RXRA: variants seen among roughly 807,000 people sequenced by gnomAD.
The protein encoded by RXRA is retinoic acid receptor RXR-alpha.
In RXRA, 5 loss-of-function variants were observed where a neutral mutation model predicts 44.5. That is an observed-to-expected ratio of 0.11 (90% CI 0.06 to 0.24). The LOEUF (loss-of-function observed/expected upper bound fraction) is 0.24. Ranked by LOEUF, RXRA falls within the 10% of genes least tolerant of loss-of-function variation. RXRA has a pLI of 1.00. For synonymous variants in RXRA, 291 were observed against 271.4 expected, an observed-to-expected ratio of 1.07 and a Z score of -0.71; for missense variants, 412 against 646.5, an observed-to-expected ratio of 0.64 and a Z score of 3.93.
At chr9:134,361,550 C>G (rs1237504553) in intron 1 of RXRA, among the ~76,000 whole-genome samples, 1 of 152,210 alleles carries the variant, frequency 6.6e-6, no homozygotes, top group Non-Finnish European at 1.5e-5. Context: ...TGTTGCGTCT[C>G]CTGAGACTAA....
intron 1 of RXRA, among the ~76,000 whole-genome samples, chr9:134,391,172 G>A (rs902892277): frequency 2.0e-5 from 3 of 152,162 alleles, no homozygotes; most frequent in African/African-American, 7.2e-5. Flanking sequence ...ATGCCTGGGG[G>A]AGCATCCTCT....
At chr9:134,350,268 G>T (rs980308752) in intron 1 of RXRA, among the ~76,000 whole-genome samples, 5 of 152,174 alleles carry the variant, frequency 3.3e-5, no homozygotes, top group Non-Finnish European at 7.4e-5. Flanking sequence ...GGCTGGGGCC[G>T]CGGAGTGGCC....
Position 134,426,735 on chromosome 9 carries a change from C to G in RXRA, c.911-2373C>G, listed in dbSNP as rs1831440765. 1 of 985,276 alleles carries G rather than the reference C, an allele frequency of 1.0e-6. No homozygotes were observed. Among genetic ancestry groups the G allele is most frequent in the African/African-American group, 1.7e-5 (1 of 57,228 alleles). 61.0% of individuals were successfully genotyped at this position (985,276 alleles called of 1,614,324 possible). A position where few individuals can be genotyped will look rare whatever the true frequency, so the allele number is the denominator to read the frequency against. On this transcript the variant is annotated intron_variant, in intron 6 of 9. Transcript: ENST00000481739. This position sits in a 1 kb window ranked among gnomAD's most constrained non-coding sequence, Gnocchi z 4.6. ...GGAGGTGGCCACTGCTCAGGTAAAC[C>G]CCCAGGCCTGCAGGATGTGAGGGAG...
At chr9:134,424,479 G>C in intron 6 of RXRA, 1 of 985,462 alleles carries the variant, frequency 1.0e-6, no homozygotes, top group Non-Finnish European at 1.2e-6. Flanking sequence ...GGCTTCGAGG[G>C]CCGCATGGTG....
chr9:134,404,799 C>T (rs1167231591), intron 2 of RXRA: 1 of 152,434 alleles, frequency 6.6e-6, no homozygotes, highest in African/African-American at 2.4e-5. Context: ...GCTCCTGGCG[C>T]AGAGTGGGCC....
intron 1 of RXRA, among the ~76,000 whole-genome samples, chr9:134,351,707 C>T (rs1229628872): frequency 1.3e-5 from 2 of 152,252 alleles, no homozygotes; most frequent in East Asian, 1.9e-4. Context: ...TGCCGTTCTG[C>T]GGCCCTCTTT....
chr9:134,381,997 G>A (rs551707345), intron 1 of RXRA, among the ~76,000 whole-genome samples: 30 of 152,276 alleles, frequency 2.0e-4, no homozygotes, highest in South Asian at 1.7e-3. Context: ...CCCTCCCCAC[G>A]TCTCCTCCTC....
intron 4 of RXRA, among the ~76,000 whole-genome samples, chr9:134,415,777 T>TA (rs1831223905): frequency 6.6e-6 from 1 of 152,120 alleles, no homozygotes; most frequent in Non-Finnish European, 1.5e-5. Flanking sequence ...TCGGAGGAGA[T>TA]ACGGTGGGAA....
intron 1 of RXRA, among the ~76,000 whole-genome samples, chr9:134,397,969 G>A (rs1830903981): frequency 6.6e-6 from 1 of 152,112 alleles, no homozygotes; most frequent in Non-Finnish European, 1.5e-5. Context: ...GTCCAAAGTA[G>A]GATTTTTTTA....
intron 1 of RXRA, among the ~76,000 whole-genome samples, chr9:134,367,256 C>A (rs923224590): frequency 6.6e-6 from 1 of 152,174 alleles, no homozygotes; most frequent in South Asian, 2.1e-4. Flanking sequence ...TCTGCCTGGT[C>A]TGGCGTTTGT....
intron 1 of RXRA, among the ~76,000 whole-genome samples, chr9:134,401,112 C>T (rs886717258): frequency 2.0e-5 from 3 of 152,232 alleles, no homozygotes; most frequent in Non-Finnish European, 4.4e-5. Flanking sequence ...ATGGTGCTCA[C>T]TGCTGACCTC....
chr9:134,388,282 A>T (rs922943553), intron 1 of RXRA, among the ~76,000 whole-genome samples: 2 of 17,874 alleles, frequency 1.1e-4, no homozygotes, highest in Non-Finnish European at 2.1e-4. Context: ...AGCTAGAAGC[A>T]GTGTGTGTGT....
chr9:134,419,417 C>T (rs1337508501), intron 5 of RXRA, among the ~76,000 whole-genome samples: 1 of 152,208 alleles, frequency 6.6e-6, no homozygotes, highest in Non-Finnish European at 1.5e-5. Flanking sequence ...GACACGTCTT[C>T]CACGGGGAGG....
chr9:134,329,582 T>TG (rs782076070), intron 1 of RXRA, among the ~76,000 whole-genome samples: 18 of 151,896 alleles, frequency 1.2e-4, no homozygotes, highest in Non-Finnish European at 2.1e-4. Flanking sequence ...GAAGGGCTGG[T>TG]GGGGGGCGGG....
intron 5 of RXRA, among the ~76,000 whole-genome samples, chr9:134,419,726 A>G (rs11103462): frequency 0.12 from 18,033 of 152,160 alleles, 3,563 homozygotes; most frequent in African/African-American, 0.41. Flanking sequence ...TGGGAGGCTC[A>G]CAGAGGTTAA....
intron 1 of RXRA, among the ~76,000 whole-genome samples, chr9:134,327,029 T>C (rs1834926024): frequency 6.6e-6 from 1 of 151,766 alleles, no homozygotes; most frequent in Non-Finnish European, 1.5e-5. Flanking sequence ...GCTCCGCGGC[T>C]CCGGCCTCCC....
rs189782733 is a variant in RXRA at position 134,365,509 on chromosome 9, C to G, written c.29-36123C>G. Among the ~76,000 whole-genome samples, 1 of 152,126 alleles carries G rather than the reference C, an allele frequency of 6.6e-6. No individual in the cohort carries two copies. Among genetic ancestry groups the G allele is most frequent in the Admixed American group, 6.5e-5 (1 of 15,272 alleles). ...CCAGGCCGCTGCCCCTGCCTCCTGT[C>G]TCTGGCTGTGGCCATGGCTGTGTGG... On this transcript the variant is annotated intron_variant, in intron 1 of 9. Transcript: ENST00000481739. The surrounding 1 kb of genome is among the most constrained non-coding windows in gnomAD (Gnocchi z 4.0).
intron 4 of RXRA, among the ~76,000 whole-genome samples, chr9:134,410,401 G>GT: frequency 1.3e-5 from 2 of 152,342 alleles, no homozygotes; most frequent in African/African-American, 4.8e-5. Context: ...GTCACATGCT[G>GT]GGCCCTGGCC....
chr9:134,359,950 C>T (rs1020410583), intron 1 of RXRA, among the ~76,000 whole-genome samples: 6 of 152,204 alleles, frequency 3.9e-5, no homozygotes, highest in Non-Finnish European at 7.4e-5. Flanking sequence ...TTTCCTTGCC[C>T]CACCTAGGAA....
Sources: gnomAD v4.1 joint callset for allele counts (sites outside exome capture counted in the v4.1 genomes callset) on GRCh38, gnomAD v4.1.1 for gene constraint, Gnocchi (gnomAD v3.1) non-coding constraint, MANE v1.5 for transcripts, NCBI Gene and HGNC (gene_info 2026-07-23, HGNC 2026-07-21) for gene names.